Variants in MUC12 observed in about 807,000 individuals in gnomAD.
The protein encoded by MUC12 is mucin 12, cell surface associated, also known as mucin-12.
A neutral mutation model predicts 230.8 loss-of-function variants in MUC12; 172 were observed. The observed-to-expected ratio is 0.75, with a 90% confidence interval of 0.66 to 0.85. The LOEUF (loss-of-function observed/expected upper bound fraction) is 0.85. MUC12 is among the 40% of genes least tolerant of loss of function. MUC12 has a pLI of 0.00. For synonymous variants in MUC12, 1,259 were observed against 2,401.9 expected, an observed-to-expected ratio of 0.52 and a Z score of 13.91; for missense variants, 3,506 against 5,920.6, an observed-to-expected ratio of 0.59 and a Z score of 13.38.
chr7:100,971,982 T>C, intron 1 of MUC12: 2 of 690,556 alleles, frequency 2.9e-6, no homozygotes, highest in South Asian at 3.0e-5. Flanking sequence ...TCCCTTAGTG[T>C]GCAAAACAGT....
Position 100,994,638 on chromosome 7 carries a change from A to T in MUC12, c.4075A>T (p.Ser1359Cys). The change falls in exon 2 of 12, where the codon AGC (serine) becomes TGC (cysteine). Residue 1359 changes from serine to cysteine, a missense_variant. By Grantham distance (112) the Ser-to-Cys change is moderately radical. Coordinates refer to ENST00000536621, the MANE Select transcript of MUC12 (RefSeq NM_001164462.2). ...TCAGGAACCTACAACTTCCCACAGC[A>T]GCCAAGGCTCAACAGAGGCAACACT... ...LSQEPTTSHS[S>C]QGSTEATLSP... 1 of 1,466,914 alleles carries T rather than the reference A, an allele frequency of 6.8e-7. No homozygotes were observed. Among genetic ancestry groups the T allele is most frequent in the Non-Finnish European group, 9.0e-7 (1 of 1,111,826 alleles). The allele number at this position is 1,466,914 out of a possible 1,614,324, so 90.9% of individuals were successfully genotyped here.
At chr7:101,006,392 G>GC (rs1793751362) in intron 2 of MUC12, 79 bp from the exon 3 acceptor site, 1 of 931,360 alleles carries the variant, frequency 1.1e-6, no homozygotes, top group South Asian at 1.4e-5. Context: ...GATGCTGAGT[G>GC]ACTGGACCTG....
intron 1 of MUC12, among the ~76,000 whole-genome samples, chr7:100,971,489 C>A (rs1792895646): frequency 6.6e-6 from 1 of 152,312 alleles, no homozygotes; most frequent in Non-Finnish European, 1.5e-5. Flanking sequence ...GTTCCACCAT[C>A]CTCCCAGCCA....
Position 101,012,897 on chromosome 7 carries a change from G to T in MUC12, c.15475+7G>T. On this transcript the variant is annotated splice_region_variant and intron_variant, in intron 7 of 11. Coordinates refer to ENST00000536621, the MANE Select transcript of MUC12 (RefSeq NM_001164462.2). ...CCGGGCTTTGACTTCCAGGGTAAGC[G>T]ACTACGTGGAGCGTGGGCACTAAGA... is the stretch of plus-strand genomic sequence containing the variant. 1 of 1,537,226 alleles carries T rather than the reference G, an allele frequency of 6.5e-7. No homozygotes were observed. The highest frequency in any genetic ancestry group is 2.0e-5 in the Admixed American group (1 of 51,002).
At chr7:100,987,337 G>T (rs1430607530) in intron 1 of MUC12, among the ~76,000 whole-genome samples, 3 of 152,154 alleles carry the variant, frequency 2.0e-5, no homozygotes. Context: ...AAAGTGCTGG[G>T]ATTATGGGTG....
At chr7:100,972,829 ACT>A in intron 1 of MUC12, 1 of 679,810 alleles carries the variant, frequency 1.5e-6, no homozygotes, top group Non-Finnish European at 2.7e-6. Context: ...TTTTCTTCCT[ACT>A]CTCTGCACGC....
rs1280124323 is a variant in MUC12, at chr7:101,015,650, A to T, written c.15836A>T (p.Glu5279Val). The T allele has an allele frequency of 6.5e-7, 1 of 1,537,644 alleles. No homozygotes were observed. The highest frequency in any genetic ancestry group is 2.0e-5 in the Admixed American group (1 of 50,990). ...GATGTGCCTCAAGAGTGGCGAAAGG[A>T]AGGCACCCCTGGCATCTTCCAGAAG... ...QYDVPQEWRK[E>V]GTPGIFQKTA... Residue 5279 changes from glutamate (E) to valine (V), a missense_variant, in exon 10 of 12, where the codon GAA (glutamate) becomes GTA (valine). By Grantham distance (121) the Glu-to-Val change is moderately radical (BLOSUM62 -2). Coordinates refer to ENST00000536621, the MANE Select transcript of MUC12 (RefSeq NM_001164462.2).
intron 1 of MUC12, among the ~76,000 whole-genome samples, chr7:100,984,307 AG>A (rs1793154852): frequency 4.7e-5 from 7 of 149,046 alleles, no homozygotes; most frequent in Admixed American, 2.0e-4. Context: ...CCCAGGCTAG[AG>A]TACAGTGGCA....
At chr7:100,980,136 C>G (rs1011407245) in intron 1 of MUC12, among the ~76,000 whole-genome samples, 5 of 152,016 alleles carry the variant, frequency 3.3e-5, no homozygotes, top group South Asian at 4.2e-4. Context: ...CTCCACCTCC[C>G]AAGTTCAAGT....
At position 101,005,078 on chromosome 7, in the gene MUC12, G is replaced by T. The variant is rs369147838; in HGVS notation, c.14515G>T (p.Ala4839Ser). 1.3e-6 allele frequency: 2 copies of T among 1,537,768 alleles called. No homozygotes were observed. The highest frequency in any genetic ancestry group is 1.7e-6 in the Non-Finnish European group (2 of 1,147,068). Residue 4839 changes from alanine to serine, a missense_variant, in exon 2 of 12, where the codon GCC (alanine) becomes TCC (serine). Physicochemically the swap from Ala to Ser is moderately conservative, Grantham distance 99 (BLOSUM62 1). Transcript: ENST00000536621. ...CTCAGCTCTGTCAACAGTGTCACCT[G>T]CCAGCACCACAGTGCCAGGCCTTAG... is the stretch of plus-strand genomic sequence containing the variant. ...PGSALSTVSPASTTVPGLSEE... is the reference protein window; with the variant it reads ...PGSALSTVSPSSTTVPGLSEE...
At position 101,015,694 on chromosome 7, in the gene MUC12, A is replaced by G; in HGVS notation, c.15877+3A>G. 1 of 1,537,120 alleles carries G rather than the reference A, an allele frequency of 6.5e-7. No homozygotes were observed. Among genetic ancestry groups the G allele is most frequent in the East Asian group, 2.4e-5 (1 of 40,880 alleles). On this transcript the variant is annotated splice_donor_region_variant and intron_variant, in intron 10 of 11. Coordinates refer to ENST00000536621, the MANE Select transcript of MUC12 (RefSeq NM_001164462.2). ...CCAGAAGACGGCCATCTGGGAAGGTACCTCTAGTTAAGGGCAAGGAGATGA... is the reference window on the plus strand; with the variant it reads ...CCAGAAGACGGCCATCTGGGAAGGTGCCTCTAGTTAAGGGCAAGGAGATGA...
At chr7:100,973,192 G>C in intron 1 of MUC12, 1 of 604,706 alleles carries the variant, frequency 1.7e-6, no homozygotes, top group East Asian at 2.7e-5. Context: ...AGCTATCCTG[G>C]GAGGAGGACA....
chr7:100,976,291 A>T (rs76970476), intron 1 of MUC12, among the ~76,000 whole-genome samples: 9,523 of 149,104 alleles, frequency 0.064, 331 homozygotes, highest in African/African-American at 0.074. Context: ...AAAATAAAAA[A>T]ATATATATAT....
chr7:100,988,593 C>T (rs1793230864), intron 1 of MUC12, among the ~76,000 whole-genome samples: 1 of 152,182 alleles, frequency 6.6e-6, no homozygotes, highest in African/African-American at 2.4e-5. Context: ...GTAAATGCAT[C>T]TGGAGAGAAA....
chr7:101,013,278 C>A, intron 8 of MUC12, 136 bp downstream of exon 8: 2 of 914,978 alleles, frequency 2.2e-6, no homozygotes, highest in Non-Finnish European at 3.3e-6. Context: ...ACATACCTCT[C>A]CCCTGTAATC....
intron 1 of MUC12, among the ~76,000 whole-genome samples, chr7:100,974,785 A>T (rs1792991362): frequency 6.6e-6 from 1 of 152,310 alleles, no homozygotes; most frequent in Non-Finnish European, 1.5e-5. Flanking sequence ...TGATTGTGCC[A>T]CTGCATTCCA....
chr7:101,013,105 G>C lies in MUC12; in HGVS notation c.15601G>C (p.Gly5201Arg), dbSNP rs769891317. The C allele has an allele frequency of 6.5e-7, 1 of 1,537,262 alleles. No individual in the cohort carries two copies. Residue 5201 changes from glycine (G) to arginine (R), a missense_variant, in exon 8 of 12, where the codon GGC becomes CGC. Physicochemically the swap from Gly to Arg is moderately radical, Grantham distance 125. Transcript: ENST00000536621. ...GTKSQMNCNL[G>R]TCQLQRSGPR... ...GAAGTCGCAAATGAACTGTAACCTG[G>C]GCACATGTCAGCTGCAACGCAGTGG... is the stretch of plus-strand genomic sequence containing the variant.
At chr7:100,983,191 G>A (rs376853794) in intron 1 of MUC12, among the ~76,000 whole-genome samples, 11 of 151,900 alleles carry the variant, frequency 7.2e-5, no homozygotes, top group Middle Eastern at 6.8e-3. Context: ...AGGCCAAGGC[G>A]GGTGGATCAT....
At chr7:100,981,659 A>G (rs1584826845) in intron 1 of MUC12, among the ~76,000 whole-genome samples, 1 of 152,298 alleles carries the variant, frequency 6.6e-6, no homozygotes, top group Middle Eastern at 3.4e-3. Context: ...GACAAACTGA[A>G]TGGTAACAAA....
Sources: allele counts gnomAD v4.1 joint callset (sites outside exome capture counted in the v4.1 genomes callset), GRCh38; gene constraint gnomAD v4.1.1; transcripts MANE v1.5; gene names NCBI Gene and HGNC (gene_info 2026-07-23, HGNC 2026-07-21).